The following RNASEH2B variants were observed in gnomAD, a reference collection of about 807,000 sequenced individuals.
RNASEH2B encodes Aicardi-Goutieres syndrome 2 protein.
A neutral mutation model predicts 45.0 loss-of-function variants in RNASEH2B; 36 were observed. That is an observed-to-expected ratio of 0.80 (90% confidence interval 0.61 to 1.06). The LOEUF is 1.06. RNASEH2B is among the 50% of genes least tolerant of loss of function. The probability of loss-of-function intolerance (pLI) is 0.00; values close to 1 mark genes in which losing one functional copy is unlikely to be tolerated. For synonymous variants in RNASEH2B, 119 were observed against 125.7 expected, an observed-to-expected ratio of 0.95 and a Z score of 0.35; for missense variants, 361 against 360.3, an observed-to-expected ratio of 1.00 and a Z score of -0.02.
intron 2 of RNASEH2B, among the ~76,000 whole-genome samples, chr13:50,928,679 C>CT (rs923640811): frequency 6.6e-5 from 10 of 151,914 alleles, no homozygotes; most frequent in East Asian, 1.9e-4. Flanking sequence ...TACATGTGTT[C>CT]TTTTTTTTAA....
At chr13:50,938,207 A>G (rs1483888212) in intron 5 of RNASEH2B, 1 of 152,226 alleles carries the variant, frequency 6.6e-6, no homozygotes, top group African/African-American at 2.4e-5. Flanking sequence ...GCTAAATGTA[A>G]CACAATATGT....
intron 7 of RNASEH2B, among the ~76,000 whole-genome samples, chr13:50,945,785 AC>A (rs1279505090): frequency 6.6e-6 from 1 of 152,192 alleles, no homozygotes; most frequent in Non-Finnish European, 1.5e-5. Flanking sequence ...AGTAGTAACA[AC>A]CCTGGCTATC....
At chr13:50,925,674 T>C (rs1049082865) in intron 1 of RNASEH2B, among the ~76,000 whole-genome samples, 1 of 152,190 alleles carries the variant, frequency 6.6e-6, no homozygotes, top group African/African-American at 2.4e-5. Context: ...CCTGAGGAAG[T>C]ATGAGGTACT....
At chr13:50,952,847 A>G (rs1951994290) in intron 9 of RNASEH2B, 1 of 152,190 alleles carries the variant, frequency 6.6e-6, no homozygotes, top group African/African-American at 2.4e-5. Flanking sequence ...AGTGTGTGGT[A>G]TATTCCCAGG....
At chr13:50,965,861 C>T (rs1308404897) in intron 9 of RNASEH2B, among the ~76,000 whole-genome samples, 1 of 152,146 alleles carries the variant, frequency 6.6e-6, no homozygotes, top group Non-Finnish European at 1.5e-5. Context: ...AAGCCCGCAA[C>T]CTAAATTATT....
intron 1 of RNASEH2B, chr13:50,912,738 G>A (rs1159909210): frequency 6.6e-6 from 1 of 152,210 alleles, no homozygotes; most frequent in African/African-American, 2.4e-5. Flanking sequence ...ATTTGGCGGA[G>A]GCGGCTTGTA....
At chr13:50,933,848 A>C (rs1261633238) in intron 4 of RNASEH2B, 2 of 152,222 alleles carry the variant, frequency 1.3e-5, no homozygotes, top group East Asian at 3.8e-4. Context: ...ACTTGGGAAA[A>C]ATCTGTGCAT....
intron 1 of RNASEH2B, chr13:50,927,076 A>G (rs1014925126): frequency 9.7e-6 from 3 of 308,656 alleles, no homozygotes; most frequent in South Asian, 9.1e-5. Context: ...TTGTCAGTTT[A>G]TAAATGGCAT....
chr13:50,919,996 GTTTGTTGAGGGTGTTTTGT>G (rs1418805431), intron 1 of RNASEH2B, among the ~76,000 whole-genome samples: 19 of 151,236 alleles, frequency 1.3e-4, no homozygotes, highest in Non-Finnish European at 7.4e-5. Flanking sequence ...GAGATTCCTT[GTTTGTTGAGGGTGTTTTGT>G]TTTGTTTTGT....
At chr13:50,931,955 T>TACACACAC (rs60335654) in intron 4 of RNASEH2B, among the ~76,000 whole-genome samples, 3,107 of 148,940 alleles carry the variant, frequency 0.021, 42 homozygotes, top group Middle Eastern at 0.031. Flanking sequence ...CATCTCATTT[T>TACACACAC]ACACACACAC....
intron 1 of RNASEH2B, among the ~76,000 whole-genome samples, chr13:50,917,404 G>C (rs1180215260): frequency 6.6e-6 from 1 of 152,218 alleles, no homozygotes; most frequent in Non-Finnish European, 1.5e-5. Context: ...AGGTATAGCA[G>C]AGGTTTATTT....
At chr13:50,925,098 T>C (rs988838734) in intron 1 of RNASEH2B, among the ~76,000 whole-genome samples, 1 of 152,174 alleles carries the variant, frequency 6.6e-6, no homozygotes, top group African/African-American at 2.4e-5. Flanking sequence ...AATTTTTTTC[T>C]CTGTGTTCCC....
At chr13:50,967,877 G>C (rs1448554507) in intron 9 of RNASEH2B, among the ~76,000 whole-genome samples, 1 of 152,184 alleles carries the variant, frequency 6.6e-6, no homozygotes, top group African/African-American at 2.4e-5. Context: ...GGAAGACAAA[G>C]AGCTCCAGGT....
intron 1 of RNASEH2B, among the ~76,000 whole-genome samples, chr13:50,926,749 A>G (rs923248239): frequency 5.3e-5 from 8 of 152,244 alleles, no homozygotes; most frequent in African/African-American, 1.9e-4. Flanking sequence ...TGAAGATTTT[A>G]TGTCTTTTAT....
At position 50,909,993 on chromosome 13, in the gene RNASEH2B, A is replaced by C. The variant is rs919933802; in HGVS notation, c.-84A>C. ...CAGCGCGCCGCGCCACCCGGAACAG[A>C]CCCTTCTCCCGCCATTTTCGGCGGG... is the stretch of plus-strand genomic sequence containing the variant. On this transcript the variant is annotated 5_prime_UTR_variant, in exon 1 of 11. Coordinates refer to ENST00000336617, the MANE Select transcript of RNASEH2B (RefSeq NM_024570.4). 62 of 1,226,698 alleles carry C rather than the reference A, an allele frequency of 5.1e-5. No individual in the cohort carries two copies. In the South Asian group the frequency reaches 5.4e-4, roughly 11 times the overall value. The allele number at this position is 1,226,698 out of a possible 1,614,324, so 76.0% of individuals were successfully genotyped here. A position where few individuals can be genotyped will look rare whatever the true frequency, so the allele number is the denominator to read the frequency against.
chr13:50,957,289 A>G (rs1952064728), downstream of RNASEH2B, among the ~76,000 whole-genome samples: 1 of 152,022 alleles, frequency 6.6e-6, no homozygotes, highest in African/African-American at 2.4e-5. Context: ...TATTATTGCC[A>G]TCTTTAAGTC....
intron 1 of RNASEH2B, among the ~76,000 whole-genome samples, chr13:50,922,871 A>G (rs1159287636): frequency 6.6e-6 from 1 of 152,254 alleles, no homozygotes; most frequent in African/African-American, 2.4e-5. Context: ...TTTATTCTAC[A>G]AAGATTTTAT....
intron 4 of RNASEH2B, chr13:50,934,452 G>T (rs980630615): frequency 1.4e-5 from 3 of 212,484 alleles, no homozygotes; most frequent in Admixed American, 1.1e-4. Flanking sequence ...CTAGAGTGAT[G>T]ATGGGGAGGC....
rs1221194408 is a variant in RNASEH2B at position 50,910,039 on chromosome 13, G to A, written c.-38G>A. The A allele has an allele frequency of 2.1e-6, 3 of 1,462,170 alleles. No homozygotes were observed. The highest frequency in any genetic ancestry group is 2.6e-5 in the South Asian group (2 of 76,128). 90.6% of individuals were successfully genotyped at this position (1,462,170 alleles called of 1,614,324 possible). On this transcript the variant is annotated 5_prime_UTR_variant, in exon 1 of 11. Transcript: ENST00000336617. Reference sequence around the variant, plus strand: ...GCGGGGCTGGGAGACTGAGGCCCGCGGCGCTGAGCCTGCGGCGCCCCGGAA... The same window carrying A: ...GCGGGGCTGGGAGACTGAGGCCCGCAGCGCTGAGCCTGCGGCGCCCCGGAA...
Sources: gnomAD v4.1 joint callset for allele counts (sites outside exome capture counted in the v4.1 genomes callset) on GRCh38, gnomAD v4.1.1 for gene constraint, MANE v1.5 for transcripts, NCBI Gene and HGNC (gene_info 2026-07-23, HGNC 2026-07-21) for gene names.